The following USP38 variants were observed in gnomAD, a reference collection of about 807,000 sequenced individuals.
USP38 encodes ubiquitin specific peptidase 38, also known as ubiquitin carboxyl-terminal hydrolase 38.
USP38 carries 49 observed loss-of-function variants against 94.3 expected under a neutral mutation model. That is an observed-to-expected ratio of 0.52 (90% CI 0.41 to 0.66). The LOEUF (loss-of-function observed/expected upper bound fraction) is 0.66, where lower values mean the gene tolerates loss of function less well. Among genes scored for constraint, USP38 ranks in the 30% least tolerant of loss-of-function variants. The probability of loss-of-function intolerance (pLI) is 0.00; values close to 1 mark genes in which losing one functional copy is unlikely to be tolerated. For missense variants in USP38, 1,128 were observed against 1,229.4 expected (o/e 0.92, Z 1.23); for synonymous variants, 468 against 463.6 (o/e 1.01, Z -0.12).
intron 7 of USP38, among the ~76,000 whole-genome samples, chr4:143,212,045 C>T (rs34589296): frequency 0.054 from 8,144 of 152,164 alleles, 293 homozygotes; most frequent in Non-Finnish European, 0.078. Context: ...ACTTTAATGC[C>T]TTGTGCTACT....
At chr4:143,217,454 A>G (rs906509366) in intron 9 of USP38, among the ~76,000 whole-genome samples, 1 of 152,198 alleles carries the variant, frequency 6.6e-6, no homozygotes. Flanking sequence ...AAGAAATAGC[A>G]TAATACCTTT....
At chr4:143,191,258 C>T (rs1454081989) in intron 2 of USP38, among the ~76,000 whole-genome samples, 2 of 151,994 alleles carry the variant, frequency 1.3e-5, no homozygotes, top group African/African-American at 2.4e-5. Context: ...CGTACCAGGA[C>T]CAAACAGGTA....
chr4:143,195,486 C>A (rs138429647), intron 2 of USP38, among the ~76,000 whole-genome samples: 5 of 152,244 alleles, frequency 3.3e-5, no homozygotes, highest in African/African-American at 7.2e-5. Context: ...ATCAGAAATT[C>A]TTTTTATGGA....
chr4:143,191,788 G>A (rs1731403538), intron 2 of USP38, among the ~76,000 whole-genome samples: 1 of 152,198 alleles, frequency 6.6e-6, no homozygotes, highest in Admixed American at 6.5e-5. Context: ...CAAGTATATA[G>A]TTAAATGTTA....
chr4:143,220,585 T>C lies in USP38; in HGVS notation c.*129T>C. Reference sequence around the variant, plus strand: ...TTATACTTCAAGAGAACACACTCAGTGCTTGTTTTTATTTTCTTGACACAT... The same window carrying C: ...TTATACTTCAAGAGAACACACTCAGCGCTTGTTTTTATTTTCTTGACACAT... On this transcript the variant is annotated 3_prime_UTR_variant, in exon 10 of 10. Coordinates refer to ENST00000307017, the MANE Select transcript of USP38 (RefSeq NM_032557.6). 1 of 917,232 alleles carries C rather than the reference T, an allele frequency of 1.1e-6. No homozygotes were observed. Among genetic ancestry groups the C allele is most frequent in the Admixed American group, 4.2e-5 (1 of 23,568 alleles). The allele number at this position is 917,232 out of a possible 1,614,324, so 56.8% of individuals were successfully genotyped here. A position where few individuals can be genotyped will look rare whatever the true frequency, so the allele number is the denominator to read the frequency against.
chr4:143,201,199 A>G (rs1320721838), intron 4 of USP38, among the ~76,000 whole-genome samples: 1 of 152,156 alleles, frequency 6.6e-6, no homozygotes, highest in African/African-American at 2.4e-5. Context: ...GACTAATGGA[A>G]CAGAATAGAC....
At chr4:143,198,474 G>A (rs545004646) in intron 4 of USP38, among the ~76,000 whole-genome samples, 2 of 152,198 alleles carry the variant, frequency 1.3e-5, no homozygotes, top group Admixed American at 1.3e-4. Flanking sequence ...ACCACTCTAG[G>A]GCATCATAGG....
intron 4 of USP38, among the ~76,000 whole-genome samples, chr4:143,201,711 C>A (rs1731719508): frequency 6.6e-6 from 1 of 151,934 alleles, no homozygotes; most frequent in Non-Finnish European, 1.5e-5. Flanking sequence ...TTTAAACAGA[C>A]ACTATGGCAG....
rs1020253420 is a variant in USP38, at chr4:143,222,973, A to C, written c.*2517A>C. 2.0e-5 allele frequency: 3 copies of C among 152,136 alleles called. No homozygotes were observed. Among genetic ancestry groups the C allele is most frequent in the Non-Finnish European group, 4.4e-5 (3 of 68,008 alleles). 9.4% of individuals were successfully genotyped at this position (152,136 alleles called of 1,614,324 possible). A position where few individuals can be genotyped will look rare whatever the true frequency, so the allele number is the denominator to read the frequency against. The stretch of plus-strand genomic sequence containing the variant: ...TTAGTCAGAGTAATCAGTTTAAATG[A>C]AGTTGCTCATTGCTGCTAAGAAGCA... On this transcript the variant is annotated 3_prime_UTR_variant, in exon 10 of 10. Transcript: ENST00000307017.
intron 9 of USP38, among the ~76,000 whole-genome samples, chr4:143,215,782 T>C (rs1476650450): frequency 6.6e-6 from 1 of 152,130 alleles, no homozygotes; most frequent in Non-Finnish European, 1.5e-5. Flanking sequence ...AGTACTGATT[T>C]TTAGAGGGAA....
chr4:143,186,158 T>C (rs1253203818), intron 1 of USP38, 26 bp downstream of exon 1: 2 of 1,602,316 alleles, frequency 1.2e-6, no homozygotes, highest in Admixed American at 1.7e-5. Context: ...TTTCAGAATA[T>C]CTCATAAAAA....
At chr4:143,217,945 C>A (rs1390455275) in intron 9 of USP38, among the ~76,000 whole-genome samples, 1 of 152,104 alleles carries the variant, frequency 6.6e-6, no homozygotes, top group Non-Finnish European at 1.5e-5. Context: ...AGTCCAGCTT[C>A]CATTAGGAGT....
Position 143,206,150 on chromosome 4 carries a change from G to T in USP38, c.1327G>T (p.Gly443Trp), listed in dbSNP as rs1371420479. The change falls in exon 6 of 10, where the codon GGG becomes TGG. Residue 443 changes from glycine (G) to tryptophan (W), a missense_variant. By Grantham distance (184) the Gly-to-Trp change is radical. Coordinates refer to ENST00000307017, the MANE Select transcript of USP38 (RefSeq NM_032557.6). ...TAGACTTTCTGGAAAATCTGAAACT[G>T]GGAAAACTGGTCTTATTAACCTAGG... ...LSRLSGKSETGKTGLINLGNT... is the reference protein window; with the variant it reads ...LSRLSGKSETWKTGLINLGNT... 4 of 1,613,552 alleles carry T rather than the reference G, an allele frequency of 2.5e-6. No homozygotes were observed. In the Admixed American group the frequency reaches 6.7e-5, roughly 27 times the overall value.
intron 5 of USP38, 83 bp downstream of exon 5, chr4:143,203,649 A>C: frequency 7.1e-7 from 1 of 1,416,068 alleles, no homozygotes; most frequent in Non-Finnish European, 9.6e-7. Context: ...TACTCAATTT[A>C]CTATTTTATG....
At chr4:143,218,713 A>G (rs1283074590) in intron 9 of USP38, among the ~76,000 whole-genome samples, 5 of 152,130 alleles carry the variant, frequency 3.3e-5, no homozygotes, top group Non-Finnish European at 7.4e-5. Flanking sequence ...GATTTGCCAT[A>G]TCTTTTAGTA....
chr4:143,222,653 C>T lies in USP38; in HGVS notation c.*2197C>T, dbSNP rs547053652. ...TGATAACTCATACCAGTACCAAAAA[C>T]TTGAAGACTTCCTTTTAACATTAAA... On this transcript the variant is annotated 3_prime_UTR_variant, in exon 10 of 10. Transcript: ENST00000307017. 6.6e-6 allele frequency: 1 copy of T among 152,150 alleles called. No individual in the cohort carries two copies. The highest frequency in any genetic ancestry group is 2.4e-5 in the African/African-American group (1 of 41,568). 9.4% of individuals were successfully genotyped at this position (152,150 alleles called of 1,614,324 possible).
Position 143,223,222 on chromosome 4 carries a change from T to G in USP38, c.*2766T>G, listed in dbSNP as rs1732369298. Reference sequence around the variant, plus strand: ...TTGAAGGAAGGATTCTAGCTCATTTTCCATTCAAGCATCTTCCCACTGCCT... The same window carrying G: ...TTGAAGGAAGGATTCTAGCTCATTTGCCATTCAAGCATCTTCCCACTGCCT... On this transcript the variant is annotated 3_prime_UTR_variant, in exon 10 of 10. Transcript: ENST00000307017. 1 of 152,128 alleles carries G rather than the reference T, an allele frequency of 6.6e-6. No homozygotes were observed. Among genetic ancestry groups the G allele is most frequent in the African/African-American group, 2.4e-5 (1 of 41,456 alleles). The allele number at this position is 152,128 out of a possible 1,614,324, so 9.4% of individuals were successfully genotyped here.
At position 143,206,050 on chromosome 4, in the gene USP38, T is replaced by G; in HGVS notation, c.1227T>G (p.Ser409Arg). Residue 409 changes from serine to arginine, a missense_variant, in exon 6 of 10, where the codon AGT (serine) becomes AGG (arginine). By Grantham distance (110) the Ser-to-Arg change is moderately radical. Transcript: ENST00000307017. ...LEAIKDFPKP[S>R]EEKIKLILNQ... Reference sequence around the variant, plus strand: ...ACCTATAGGATTTTCCTAAGCCCAGTGAAGAGAAGATTAAGTTAATTCTCA... The same window carrying G: ...ACCTATAGGATTTTCCTAAGCCCAGGGAAGAGAAGATTAAGTTAATTCTCA... 6.2e-7 allele frequency: 1 copy of G among 1,604,060 alleles called. No homozygotes were observed. The highest frequency in any genetic ancestry group is 1.3e-5 in the African/African-American group (1 of 74,624).
At position 143,195,800 on chromosome 4, in the gene USP38, GA is replaced by G. The variant is rs1306688897; in HGVS notation, c.905del (p.Lys302SerfsTer5). 6.2e-7 allele frequency: 1 copy of G among 1,613,456 alleles called. No homozygotes were observed. The highest frequency in any genetic ancestry group is 8.5e-7 in the Non-Finnish European group (1 of 1,179,750). ...ALLKGLAAVQ[K>X]FTILIDVTLL... Reference sequence around the variant, plus strand: ...TCCTGAAAGGACTGGCAGCTGTCCAGAAGTTTACTATTTTGATAGATGTTAC... The same window carrying G: ...TCCTGAAAGGACTGGCAGCTGTCCAGAGTTTACTATTTTGATAGATGTTAC... On this transcript the variant is annotated frameshift_variant, in exon 3 of 10. Transcript: ENST00000307017. LOFTEE classifies it high-confidence loss of function.
Sources: gnomAD v4.1 joint callset for allele counts (sites outside exome capture counted in the v4.1 genomes callset) on GRCh38, gnomAD v4.1.1 for gene constraint, MANE v1.5 for transcripts, NCBI Gene and HGNC (gene_info 2026-07-23, HGNC 2026-07-21) for gene names.